Variants in CENPP observed in about 807,000 individuals in gnomAD.
The protein encoded by CENPP is centromere protein P.
Under a neutral mutation model 35.6 loss-of-function variants are expected in CENPP, and 24 were observed. The ratio of observed to expected loss-of-function variants is 0.67; its 90% confidence interval spans 0.49 to 0.95. CENPP has a LOEUF of 0.95. CENPP is among the 40% of genes least tolerant of loss of function. The probability of loss-of-function intolerance (pLI) is 0.00; values close to 1 mark genes in which losing one functional copy is unlikely to be tolerated. For synonymous variants in CENPP, 120 were observed against 125.5 expected (o/e 0.96, Z 0.29); for missense variants, 332 against 345.3 (o/e 0.96, Z 0.31).
intron 5 of CENPP, among the ~76,000 whole-genome samples, chr9:92,499,107 C>G (rs979174998): frequency 6.6e-6 from 1 of 152,110 alleles, no homozygotes; most frequent in African/African-American, 2.4e-5. Flanking sequence ...CCACGTGTGC[C>G]CAAAAGCAAG....
At chr9:92,361,615 G>A (rs1476690953) in intron 4 of CENPP, among the ~76,000 whole-genome samples, 1 of 151,554 alleles carries the variant, frequency 6.6e-6, no homozygotes, top group Non-Finnish European at 1.5e-5. Context: ...GAGTAGCTAG[G>A]ATTGCAGGCA....
At chr9:92,518,714 C>A (rs1373234987) in intron 5 of CENPP, among the ~76,000 whole-genome samples, 2 of 152,082 alleles carry the variant, frequency 1.3e-5, no homozygotes, top group Admixed American at 6.6e-5. Flanking sequence ...CATGGTGAAA[C>A]CCCATCTCCT....
At chr9:92,479,716 T>G (rs1000031047) in intron 5 of CENPP, among the ~76,000 whole-genome samples, 2 of 152,232 alleles carry the variant, frequency 1.3e-5, no homozygotes, top group African/African-American at 4.8e-5. Flanking sequence ...CTTTTACAAT[T>G]AATCTAATCT....
At chr9:92,384,110 T>C (rs1379519951) in intron 5 of CENPP, 3 of 152,178 alleles carry the variant, frequency 2.0e-5, no homozygotes, top group Non-Finnish European at 4.4e-5. Flanking sequence ...AAATGAGGCA[T>C]GCACACAAAA....
chr9:92,412,428 T>C (rs1473332855), intron 5 of CENPP, among the ~76,000 whole-genome samples: 1 of 152,164 alleles, frequency 6.6e-6, no homozygotes, highest in East Asian at 1.9e-4. Context: ...TTTGCATTTG[T>C]ACAACCATCA....
chr9:92,326,091 G>A lies in CENPP; in HGVS notation c.93G>A (p.Glu31=). ...AGGACCCACCGGCGCCCTGGGAAGA[G>A]AAGTCCCGAGTCCAGTACGTGACCA... ...ACEDPPAPWE[E]KSRVQKSFQA... is the part of the protein sequence containing the mutation. Residue 31 remains glutamate, a synonymous_variant, in exon 1 of 8, where the codon GAG becomes GAA. Transcript: ENST00000375587. 1.3e-6 allele frequency: 2 copies of A among 1,554,100 alleles called. No individual in the cohort carries two copies. Among genetic ancestry groups the A allele is most frequent in the Non-Finnish European group, 1.7e-6 (2 of 1,149,004 alleles).
chr9:92,474,917 C>T (rs1357715626), intron 5 of CENPP: 2 of 1,600,808 alleles, frequency 1.2e-6, no homozygotes, highest in East Asian at 2.2e-5. Context: ...GTGTAGAAGA[C>T]CAGTCTAGGA....
chr9:92,472,796 C>T (rs369632472), intron 5 of CENPP, among the ~76,000 whole-genome samples: 1 of 152,080 alleles, frequency 6.6e-6, no homozygotes, highest in East Asian at 1.9e-4. Flanking sequence ...TTAATTTTGC[C>T]ATTTTTATGA....
intron 5 of CENPP, among the ~76,000 whole-genome samples, chr9:92,507,178 C>T (rs952092938): frequency 6.6e-6 from 1 of 152,266 alleles, no homozygotes; most frequent in African/African-American, 2.4e-5. Flanking sequence ...AAAGGTTAAC[C>T]TGGTGGTGGT....
At chr9:92,359,085 G>A in intron 4 of CENPP, among the ~76,000 whole-genome samples, 2 of 151,968 alleles carry the variant, frequency 1.3e-5, no homozygotes, top group Middle Eastern at 3.4e-3. Flanking sequence ...AAGTAGCTAG[G>A]ATTAAAGGCA....
At chr9:92,517,362 A>G (rs980711331) in intron 5 of CENPP, 30 of 503,870 alleles carry the variant, frequency 6.0e-5, no homozygotes, top group South Asian at 5.9e-4. Context: ...AGACCAAAGC[A>G]GAGCCCTTAA....
chr9:92,445,292 T>C (rs10761159), intron 5 of CENPP, among the ~76,000 whole-genome samples: 135,709 of 152,086 alleles, frequency 0.89, 60,713 homozygotes, highest in East Asian at 0.95. Context: ...TCCCGGTGCG[T>C]GGTAGCCCCA....
At chr9:92,328,860 C>T (rs1284735882) in intron 1 of CENPP, among the ~76,000 whole-genome samples, 2 of 152,200 alleles carry the variant, frequency 1.3e-5, no homozygotes, top group Non-Finnish European at 2.9e-5. Context: ...GCAAAATATA[C>T]ATAAGATTTA....
At chr9:92,330,837 C>CAGTG (rs1321596660) in intron 1 of CENPP, among the ~76,000 whole-genome samples, 1 of 151,448 alleles carries the variant, frequency 6.6e-6, no homozygotes, top group African/African-American at 2.4e-5. Flanking sequence ...TACAGGCACC[C>CAGTG]GCCACCACTC....
At chr9:92,340,905 T>G (rs1841094392) in intron 3 of CENPP, among the ~76,000 whole-genome samples, 2 of 152,176 alleles carry the variant, frequency 1.3e-5, no homozygotes, top group South Asian at 2.1e-4. Flanking sequence ...ATAAGAGAGA[T>G]AACCTTAAAC....
rs2131406532 is a variant in CENPP, at chr9:92,614,549, A to C, written c.*1400A>C. ...ATGACAGAATTGAACAATAAATTCT[A>C]GAAGAGTTGCCTTGATTCAAACAAG... is the stretch of plus-strand genomic sequence containing the variant. On this transcript the variant is annotated 3_prime_UTR_variant, in exon 8 of 8. Transcript: ENST00000375587. The C allele has an allele frequency of 6.5e-6, 1 of 152,834 alleles. No homozygotes were observed. The highest frequency in any genetic ancestry group is 3.4e-3 in the Middle Eastern group (1 of 294). 9.5% of individuals were successfully genotyped at this position (152,834 alleles called of 1,614,324 possible).
At chr9:92,549,729 G>C (rs977675137) in intron 5 of CENPP, among the ~76,000 whole-genome samples, 2 of 151,984 alleles carry the variant, frequency 1.3e-5, no homozygotes, top group African/African-American at 4.8e-5. Context: ...CACCGGATTA[G>C]ATATCATTTT....
At position 92,567,236 on chromosome 9, in the gene CENPP, G is replaced by A. The variant is rs556329950; in HGVS notation, c.565-44078G>A. ...TAAAGATCTCAATAAGGCAAATAGA[G>A]CAATTATAAAAGCTTGTATTGTAAC... is the stretch of plus-strand genomic sequence containing the variant. On this transcript the variant is annotated intron_variant, in intron 5 of 7. Coordinates refer to ENST00000375587, the MANE Select transcript of CENPP (RefSeq NM_001012267.3). Among the ~76,000 whole-genome samples, 4 of 151,926 alleles carry A rather than the reference G, an allele frequency of 2.6e-5. No homozygotes were observed. In the South Asian group the frequency reaches 8.3e-4, roughly 32 times the overall value.
At chr9:92,421,324 G>A (rs1270630915) in intron 5 of CENPP, among the ~76,000 whole-genome samples, 1 of 152,180 alleles carries the variant, frequency 6.6e-6, no homozygotes, top group Non-Finnish European at 1.5e-5. Flanking sequence ...ACAGGCATGA[G>A]CCACCACCCC....
Sources: gnomAD v4.1 joint callset for allele counts (sites outside exome capture counted in the v4.1 genomes callset) on GRCh38, gnomAD v4.1.1 for gene constraint, MANE v1.5 for transcripts, NCBI Gene and HGNC (gene_info 2026-07-23, HGNC 2026-07-21) for gene names.